COL5A3: variants seen among roughly 807,000 people sequenced by gnomAD.
COL5A3 encodes the protein collagen type V alpha 3 chain, also known as collagen alpha-3(V) chain.
COL5A3 carries 172 observed loss-of-function variants against 250.0 expected under a neutral mutation model. The ratio of observed to expected loss-of-function variants is 0.69; its 90% CI spans 0.61 to 0.78. The LOEUF (loss-of-function observed/expected upper bound fraction) is 0.78, where lower values mean the gene tolerates loss of function less well. Among genes scored for constraint, COL5A3 ranks in the 30% least tolerant of loss-of-function variants. The pLI, the probability that COL5A3 is intolerant of heterozygous loss-of-function variation, is 0.00. For synonymous variants in COL5A3, 937 were observed against 900.4 expected (o/e 1.04, Z -0.73); for missense variants, 2,340 against 2,334.4 (o/e 1.00, Z -0.05).
At chr19:9,979,505 A>T in intron 37 of COL5A3, 88 bp from the exon 38 acceptor site, 1 of 1,420,230 alleles carries the variant, frequency 7.0e-7, no homozygotes, top group South Asian at 1.2e-5. Context: ...AGGATCAGGA[A>T]TCTGGCCGGT....
intron 6 of COL5A3, among the ~76,000 whole-genome samples, chr19:10,002,766 C>G (rs552620906): frequency 6.6e-6 from 1 of 152,094 alleles, no homozygotes; most frequent in Non-Finnish European, 1.5e-5. Context: ...TAACCAATGA[C>G]CCCCAAATAG....
intron 22 of COL5A3, 23 bp downstream of exon 22, chr19:9,991,981 G>C (rs780032807): frequency 1.2e-6 from 2 of 1,607,712 alleles, no homozygotes; most frequent in Non-Finnish European, 1.7e-6. Flanking sequence ...AGGGTCAGAG[G>C]TCAAAGGGCA....
At chr19:9,988,240 CA>C (rs1568422085) in intron 27 of COL5A3, among the ~76,000 whole-genome samples, 2 of 151,808 alleles carry the variant, frequency 1.3e-5, no homozygotes, top group Non-Finnish European at 2.9e-5. Flanking sequence ...GTCTCAAAAA[CA>C]AAAACAAAAA....
intron 8 of COL5A3, among the ~76,000 whole-genome samples, 176 bp downstream of exon 8, chr19:10,001,348 C>T (rs886283869): frequency 5.9e-5 from 9 of 152,054 alleles, no homozygotes; most frequent in Middle Eastern, 3.2e-3. Context: ...GATTTCACCA[C>T]GTTGGTCAGG....
chr19:9,971,318 G>T, intron 51 of COL5A3, 60 bp from the exon 52 acceptor site: 2 of 1,290,020 alleles, frequency 1.6e-6, no homozygotes, highest in Non-Finnish European at 1.1e-6. Context: ...ATGCATTTAT[G>T]GAACAGATCA....
chr19:9,979,944 T>C (rs1174763551), intron 36 of COL5A3, 50 bp downstream of exon 36: 1 of 1,575,400 alleles, frequency 6.3e-7, no homozygotes, highest in Non-Finnish European at 8.6e-7. Flanking sequence ...GCTTCCTCCC[T>C]TCCCACATCC....
At position 9,997,434 on chromosome 19, in the gene COL5A3, C is replaced by T. The variant is rs1292271055; in HGVS notation, c.1201-1G>A. 2 of 1,599,924 alleles carry T rather than the reference C, an allele frequency of 1.3e-6. No individual in the cohort carries two copies. The highest frequency in any genetic ancestry group is 1.7e-6 in the Non-Finnish European group (2 of 1,173,974). Reference sequence around the variant, plus strand: ...GAGGGCCTGAGGGGCCAACCACCCCCTGTTGGGGACAGAGAAACAGGAGTC... The same window carrying T: ...GAGGGCCTGAGGGGCCAACCACCCCTTGTTGGGGACAGAGAAACAGGAGTC... On this transcript the variant is annotated splice_acceptor_variant, in intron 10 of 66. Transcript: ENST00000264828. LOFTEE classifies it high-confidence loss of function.
At chr19:9,970,471 T>TCTGTGGGGTGAGTGGGGG (rs2086827493) in intron 54 of COL5A3, 151 bp downstream of exon 54, 1 of 132,218 alleles carries the variant, frequency 7.6e-6, no homozygotes, top group Non-Finnish European at 1.2e-5. Context: ...GTGTGTGGGG[T>TCTGTGGGGTGAGTGGGGG]CTGTGGGGTG....
At position 9,973,833 on chromosome 19, in the gene COL5A3, A is replaced by T. The variant is rs750901111; in HGVS notation, c.3559-24T>A. ...CCCTGGAGAGACAGCAAGGGGTAAG[A>T]GTGGGACTGTGGAATCCCAACATCC... On this transcript the variant is annotated intron_variant, in intron 48 of 66. Transcript: ENST00000264828. 3.7e-6 allele frequency: 6 copies of T among 1,613,370 alleles called. No individual in the cohort carries two copies. In the East Asian group the frequency reaches 1.3e-4, roughly 36 times the overall value.
chr19:9,992,243 T>G (rs1405594074), intron 21 of COL5A3, among the ~76,000 whole-genome samples, 195 bp from the exon 22 acceptor site: 1 of 151,688 alleles, frequency 6.6e-6, no homozygotes, highest in African/African-American at 2.4e-5. Context: ...GCCAACATTG[T>G]GAAACCCCGT....
chr19:9,963,546 C>T (rs2086699050), intron 64 of COL5A3, among the ~76,000 whole-genome samples: 1 of 104,682 alleles, frequency 9.6e-6, no homozygotes, highest in Non-Finnish European at 1.7e-5. Context: ...AGTGTGCCAC[C>T]ATGCCTGTTT....
At chr19:9,967,803 G>T in intron 61 of COL5A3, 101 bp downstream of exon 61, 1 of 1,228,118 alleles carries the variant, frequency 8.1e-7, no homozygotes. Flanking sequence ...ACGATTGCAT[G>T]AATAAATAAA....
At chr19:9,970,806 C>T (rs987933592) in intron 53 of COL5A3, 131 bp from the exon 54 acceptor site, 11 of 1,004,346 alleles carry the variant, frequency 1.1e-5, no homozygotes, top group Non-Finnish European at 1.5e-5. Context: ...CACCTCCCAC[C>T]TACTCCCTCA....
rs774402144 is a variant in COL5A3 at position 10,005,637 on chromosome 19, A to G, written c.515T>C (p.Leu172Ser). The G allele has an allele frequency of 5.6e-6, 9 of 1,613,978 alleles. No individual in the cohort carries two copies. In the East Asian group the frequency reaches 2.0e-4, roughly 36 times the overall value. The change falls in exon 4 of 67, where the codon TTG becomes TCG. Residue 172 changes from leucine to serine, a missense_variant. By Grantham distance (145) the Leu-to-Ser change is moderately radical. Transcript: ENST00000264828. ...VADCEAQPPV[L>S]GHGPRFISIA... ...GCTGATGAAGCGGGGGCCATGGCCC[A>G]AAACAGGGGGCTGAGCTTCACAGTC...
intron 4 of COL5A3, 151 bp downstream of exon 4, chr19:10,005,407 A>T: frequency 1.4e-6 from 1 of 740,326 alleles, no homozygotes; most frequent in Non-Finnish European, 2.2e-6. Flanking sequence ...ACAGGCTGCA[A>T]CGGTGCACGA....
chr19:9,973,499 G>C (rs1272091965), intron 50 of COL5A3, 71 bp downstream of exon 50: 11 of 1,490,808 alleles, frequency 7.4e-6, no homozygotes, highest in Non-Finnish European at 1.0e-5. Flanking sequence ...AGAGGTCAAA[G>C]TGGCCCAAGA....
intron 27 of COL5A3, among the ~76,000 whole-genome samples, chr19:9,987,882 C>T (rs1052935065): frequency 2.1e-4 from 32 of 152,214 alleles, no homozygotes; most frequent in African/African-American, 7.7e-4. Context: ...CTGCAGTGAG[C>T]CATCATTATG....
rs2087360594 is a variant in COL5A3, at chr19:10,001,533, C to T, written c.1101G>A (p.Gln367=). Residue 367 remains glutamine (Q), a synonymous_variant, in exon 8 of 67, where the codon CAG becomes CAA. Coordinates refer to ENST00000264828, the MANE Select transcript of COL5A3 (RefSeq NM_015719.4). ...AAEYPSRTQF[Q]IFPGAGEKGA... is the part of the protein sequence containing the mutation. The stretch of plus-strand genomic sequence containing the variant: ...CCACCTAGAAACTCACAGGAAAGAT[C>T]TGGAACTGAGTCCGAGATGGATATT... 2.5e-6 allele frequency: 4 copies of T among 1,614,012 alleles called. No homozygotes were observed. The highest frequency in any genetic ancestry group is 3.4e-6 in the Non-Finnish European group (4 of 1,180,024).
Position 9,991,854 on chromosome 19 carries a change from T to G in COL5A3, c.1894-13A>C. On this transcript the variant is annotated splice_polypyrimidine_tract_variant and intron_variant, in intron 22 of 66. Transcript: ENST00000264828. ...CTCCTGGAGGACCCTGGGGAGAAAG[T>G]GGGGTTTCAGTGAAGCTAAGAGGGG... The G allele has an allele frequency of 1.2e-6, 2 of 1,605,044 alleles. No homozygotes were observed. The highest frequency in any genetic ancestry group is 1.4e-5 in the African/African-American group (1 of 74,042).
Sources: allele counts gnomAD v4.1 joint callset (sites outside exome capture counted in the v4.1 genomes callset), GRCh38; gene constraint gnomAD v4.1.1; transcripts MANE v1.5; gene names NCBI Gene and HGNC (gene_info 2026-07-23, HGNC 2026-07-21).